Variants in TJP1 observed in about 807,000 individuals in gnomAD.
TJP1 encodes the protein tight junction protein 1.
In TJP1, 43 loss-of-function variants were observed where a neutral mutation model predicts 194.2. The ratio of observed to expected loss-of-function variants is 0.22; its 90% CI spans 0.17 to 0.29. TJP1 has a LOEUF of 0.29. TJP1 is among the 10% of genes least tolerant of loss of function. The probability of loss-of-function intolerance (pLI) is 1.00; values close to 1 mark genes in which losing one functional copy is unlikely to be tolerated. For missense variants in TJP1, 1,971 were observed against 2,185.7 expected, an observed-to-expected ratio of 0.90 and a Z score of 1.96; for synonymous variants, 801 against 779.0, an observed-to-expected ratio of 1.03 and a Z score of -0.47.
rs144456906 is a variant in TJP1, at chr15:29,831,979, C to G, written c.307-31277G>C. Reference sequence around the variant, plus strand: ...GTGTACATTTGACAGTTCTTTATCACGCAAATCAACAATAACATAAAAACT... The same window carrying G: ...GTGTACATTTGACAGTTCTTTATCAGGCAAATCAACAATAACATAAAAACT... On this transcript the variant is annotated intron_variant, in intron 2 of 28. Transcript: ENST00000356107. 2.6e-5 allele frequency among the ~76,000 whole-genome samples: 4 copies of G among 152,146 alleles called. No individual in the cohort carries two copies. In the East Asian group the frequency reaches 5.8e-4, roughly 22 times the overall value.
chr15:29,911,096 A>T (rs2053997258), intron 2 of TJP1, among the ~76,000 whole-genome samples: 1 of 152,212 alleles, frequency 6.6e-6, no homozygotes, highest in South Asian at 2.1e-4. Flanking sequence ...CAGTCACCTT[A>T]TTCCTCTACA....
chr15:29,707,466 A>T (rs185639803), intron 25 of TJP1, among the ~76,000 whole-genome samples: 1 of 152,260 alleles, frequency 6.6e-6, no homozygotes, highest in Admixed American at 6.5e-5. Context: ...CCATCTGTGG[A>T]TGTGCAGAGC....
In TJP1 at chr15:29,719,953, A is replaced by C; in HGVS notation, c.2827T>G (p.Ser943Ala). The change falls in exon 20 of 28, where the codon TCT (serine) becomes GCT (alanine). Residue 943 changes from serine (S) to alanine (A), a missense_variant. Physicochemically the swap from Ser to Ala is moderately conservative, Grantham distance 99. Coordinates refer to ENST00000614355, the MANE Select transcript of TJP1 (RefSeq NM_001330239.4). ...AAATTTACATTATGATTAACAGCAG[A>C]GGTTGATGATGCTGGGTTTGTTTCA... ...SPETNPASST[S>A]AVNHNVNLTN... The C allele has an allele frequency of 1.2e-6, 2 of 1,614,160 alleles. No individual in the cohort carries two copies. Among genetic ancestry groups the C allele is most frequent in the Non-Finnish European group, 1.7e-6 (2 of 1,180,028 alleles).
chr15:29,949,477 CACA>C (rs1596310275), intron 2 of TJP1, among the ~76,000 whole-genome samples: 72 of 108,158 alleles, frequency 6.7e-4, no homozygotes, highest in African/African-American at 2.4e-3. Context: ...CCACCACCTC[CACA>C]ACCACCACCT....
intron 2 of TJP1, among the ~76,000 whole-genome samples, chr15:29,833,426 C>T (rs567601286): frequency 6.6e-5 from 10 of 152,170 alleles, no homozygotes; most frequent in Admixed American, 3.9e-4. Flanking sequence ...GACAGTCTCG[C>T]TCTGTCACCC....
At chr15:29,826,855 T>C (rs1396065910), upstream of TJP1, among the ~76,000 whole-genome samples, 1 of 152,102 alleles carries the variant, frequency 6.6e-6, no homozygotes, top group African/African-American at 2.4e-5. Context: ...GTAAGGACTT[T>C]CGTTTTGGAT....
At chr15:29,910,840 G>C (rs1445771573) in intron 2 of TJP1, among the ~76,000 whole-genome samples, 1 of 152,184 alleles carries the variant, frequency 6.6e-6, no homozygotes. Flanking sequence ...ATATGTGATG[G>C]GGTAAACTAA....
chr15:29,752,036 C>A (rs1465853011), intron 8 of TJP1, among the ~76,000 whole-genome samples: 3 of 152,090 alleles, frequency 2.0e-5, no homozygotes, highest in Non-Finnish European at 4.4e-5. Flanking sequence ...GCAGGCGATC[C>A]TTCCACCTCA....
At chr15:29,938,523 G>GCTTGACTTCTT (rs2054957656) in intron 2 of TJP1, among the ~76,000 whole-genome samples, 1 of 152,132 alleles carries the variant, frequency 6.6e-6, no homozygotes, top group Non-Finnish European at 1.5e-5. Flanking sequence ...AAGAAAAAAA[G>GCTTGACTTCTT]CTTGACTTCT....
intron 2 of TJP1, among the ~76,000 whole-genome samples, chr15:29,783,461 T>C (rs749880821): frequency 1.3e-5 from 2 of 152,158 alleles, no homozygotes; most frequent in African/African-American, 2.4e-5. Context: ...GAGCCAGCAA[T>C]CCCATTACTG....
chr15:29,791,809 G>T (rs1183302504), intron 2 of TJP1, among the ~76,000 whole-genome samples: 1 of 151,998 alleles, frequency 6.6e-6, no homozygotes, highest in Non-Finnish European at 1.5e-5. Flanking sequence ...TTTGATAAAA[G>T]CCATTTTAAC....
chr15:29,747,747 A>T (rs940767113), intron 8 of TJP1, among the ~76,000 whole-genome samples: 1 of 152,176 alleles, frequency 6.6e-6, no homozygotes, highest in African/African-American at 2.4e-5. Flanking sequence ...CAATATTTTA[A>T]CTCAAATGCT....
chr15:29,809,508 A>T (rs898674983), intron 1 of TJP1, among the ~76,000 whole-genome samples: 1 of 152,206 alleles, frequency 6.6e-6, no homozygotes, highest in Non-Finnish European at 1.5e-5. Flanking sequence ...CAATCACAGT[A>T]AGAGGACCTC....
intron 1 of TJP1, among the ~76,000 whole-genome samples, chr15:29,819,832 T>C (rs973874325): frequency 5.3e-5 from 8 of 152,222 alleles, no homozygotes; most frequent in African/African-American, 1.9e-4. Context: ...TATTTATTTC[T>C]AGGTAGTCTT....
At chr15:29,788,371 T>C (rs2047841480) in intron 2 of TJP1, among the ~76,000 whole-genome samples, 1 of 152,228 alleles carries the variant, frequency 6.6e-6, no homozygotes, top group Non-Finnish European at 1.5e-5. Flanking sequence ...TCATATCCAA[T>C]AAACCATTGC....
chr15:29,921,541 G>A (rs367548813), intron 2 of TJP1, among the ~76,000 whole-genome samples: 1 of 152,158 alleles, frequency 6.6e-6, no homozygotes, highest in African/African-American at 2.4e-5. Context: ...GAGTAGGGAC[G>A]GAGGAGATGT....
At chr15:29,872,247 T>C (rs1358923978) in intron 2 of TJP1, among the ~76,000 whole-genome samples, 1 of 152,204 alleles carries the variant, frequency 6.6e-6, no homozygotes, top group East Asian at 1.9e-4. Context: ...ATTGTAAGCA[T>C]ACATGTGCAA....
Position 29,864,336 on chromosome 15 carries a change from G to A in TJP1, c.307-63634C>T, listed in dbSNP as rs529579693. 1.9e-4 allele frequency among the ~76,000 whole-genome samples: 28 copies of A among 149,250 alleles called. No homozygotes were observed. The East Asian group carries it at 3.7e-3, about 20-fold the overall frequency. On this transcript the variant is annotated intron_variant, in intron 2 of 28. Transcript: ENST00000356107. The stretch of plus-strand genomic sequence containing the variant: ...TGAGGAAGGAGAATTGGGTGAACCC[G>A]GGAGTCAGTACCCTAGTTCCAAGAC...
chr15:29,756,611 T>C (rs1448175796), intron 8 of TJP1, among the ~76,000 whole-genome samples: 1 of 152,170 alleles, frequency 6.6e-6, no homozygotes, highest in Non-Finnish European at 1.5e-5. Context: ...TGTGTGTTTT[T>C]CTCAGAATTC....
Sources: gnomAD v4.1 joint callset for allele counts (sites outside exome capture counted in the v4.1 genomes callset) on GRCh38, gnomAD v4.1.1 for gene constraint, MANE v1.5 for transcripts, NCBI Gene and HGNC (gene_info 2026-07-23, HGNC 2026-07-21) for gene names.